Variants in CLK3 observed in about 807,000 individuals in gnomAD.
CLK3 encodes the protein dual specificity protein kinase CLK3.
CLK3 carries 24 observed loss-of-function variants against 65.2 expected under a neutral mutation model. The observed-to-expected ratio is 0.37, with a 90% CI of 0.27 to 0.52. CLK3 has a LOEUF of 0.52. Among genes scored for constraint, CLK3 ranks in the 20% least tolerant of loss-of-function variants. The pLI, the probability that CLK3 is intolerant of heterozygous loss-of-function variation, is 0.92. For synonymous variants in CLK3, 252 were observed against 240.8 expected (o/e 1.05, Z -0.43); for missense variants, 506 against 660.0 (o/e 0.77, Z 2.56).
chr15:74,619,171 A>C, intron 1 of CLK3, 26 bp from the exon 2 acceptor site: 1 of 1,612,212 alleles, frequency 6.2e-7, no homozygotes, highest in Non-Finnish European at 8.5e-7. Context: ...TGTGTTTAGC[A>C]GGGCTCTCTG....
intron 1 of CLK3, among the ~76,000 whole-genome samples, chr15:74,618,743 C>G (rs553217074): frequency 6.6e-6 from 1 of 152,358 alleles, no homozygotes; most frequent in Non-Finnish European, 1.5e-5. Flanking sequence ...TTTGAGCCCT[C>G]GCCTCCTGTG....
chr15:74,616,088 C>T, intron 1 of CLK3, 190 bp downstream of exon 1: 1 of 441,636 alleles, frequency 2.3e-6, no homozygotes, highest in Non-Finnish European at 3.7e-6. Context: ...ACTGCAGACC[C>T]TGACCTCGAC....
chr15:74,620,330 G>A (rs1458744094), intron 3 of CLK3, 105 bp downstream of exon 3: 2 of 1,456,680 alleles, frequency 1.4e-6, no homozygotes, highest in Non-Finnish European at 1.9e-6. Flanking sequence ...CCCTGTGCAC[G>A]TGCACTGGTG....
At chr15:74,609,013 C>T (rs1262510268) in intron 1 of CLK3, among the ~76,000 whole-genome samples, 1 of 152,218 alleles carries the variant, frequency 6.6e-6, no homozygotes, top group African/African-American at 2.4e-5. Flanking sequence ...GCTCTGCCTC[C>T]AGGGCCTGCA....
intron 12 of CLK3, 87 bp downstream of exon 12, chr15:74,629,119 G>A (rs770478975): frequency 1.1e-5 from 11 of 997,090 alleles, no homozygotes; most frequent in African/African-American, 4.7e-5. Flanking sequence ...AGGCCAGGCC[G>A]CTAAAGGCTG....
intron 1 of CLK3, chr15:74,608,460 C>T (rs908793363): frequency 3.3e-5 from 5 of 152,086 alleles, no homozygotes; most frequent in Non-Finnish European, 7.3e-5. Context: ...CCCCACCCCA[C>T]TCCCTTTCAG....
chr15:74,629,316 T>C (rs766679997), intron 12 of CLK3: 8 of 549,022 alleles, frequency 1.5e-5, no homozygotes, highest in Admixed American at 3.0e-5. Flanking sequence ...TCCCTCTCTC[T>C]CCTCGAAATT....
At chr15:74,611,902 C>T (rs1011353169), upstream of CLK3, among the ~76,000 whole-genome samples, 40 of 152,338 alleles carry the variant, frequency 2.6e-4, no homozygotes, top group Non-Finnish European at 3.5e-4. Context: ...TGGCTGAGCA[C>T]GCACTAAAAC....
chr15:74,629,379 G>A (rs1299872371), intron 12 of CLK3: 2 of 528,564 alleles, frequency 3.8e-6, no homozygotes, highest in Admixed American at 6.3e-5. Flanking sequence ...CCTAGACATG[G>A]CCAGGAAGCC....
chr15:74,615,394 T>C, upstream of CLK3: 2 of 1,230,906 alleles, frequency 1.6e-6, no homozygotes, highest in Non-Finnish European at 2.0e-6. Flanking sequence ...CGCGTCCGCC[T>C]TCCCGAGCTC....
In CLK3 at chr15:74,622,456, C is replaced by T. The variant is rs2141544514; in HGVS notation, c.467-38C>T. ...CTTGCAGGAGCTGCCAACCCCCTGCCCTCCAGATTCTCATGCCCAATTTCT... is the reference window on the plus strand; with the variant it reads ...CTTGCAGGAGCTGCCAACCCCCTGCTCTCCAGATTCTCATGCCCAATTTCT... On this transcript the variant is annotated intron_variant, in intron 4 of 12. Coordinates refer to ENST00000395066, the MANE Select transcript of CLK3 (RefSeq NM_001130028.2). The surrounding 1 kb of genome is among the most constrained non-coding windows in gnomAD (Gnocchi z 4.6). 6.6e-7 allele frequency: 1 copy of T among 1,520,110 alleles called. No homozygotes were observed. 94.2% of individuals were successfully genotyped at this position (1,520,110 alleles called of 1,614,324 possible).
intron 1 of CLK3, among the ~76,000 whole-genome samples, chr15:74,609,079 GC>G (rs1294254582): frequency 1.3e-5 from 2 of 152,206 alleles, no homozygotes; most frequent in Non-Finnish European, 2.9e-5. Flanking sequence ...CTCCAAGCAG[GC>G]CCCTAGTTGC....
Position 74,625,640 on chromosome 15 carries a change from GGA to G in CLK3, c.651-158_651-157del, listed in dbSNP as rs34186813. On this transcript the variant is annotated intron_variant, in intron 6 of 12. Coordinates refer to ENST00000395066, the MANE Select transcript of CLK3 (RefSeq NM_001130028.2). ...CTGGGTATTGGGTGATGGCTGGTGG[GGA>G]GAGGTGCTCTTGCTCTGATTTCTCT... is the stretch of plus-strand genomic sequence containing the variant. 8.7e-3 allele frequency among the ~76,000 whole-genome samples: 1,329 copies of G among 152,268 alleles called. 24 individuals carry two copies. Among genetic ancestry groups the G allele is most frequent in the African/African-American group, 0.03 (1,265 of 41,526 alleles).
chr15:74,627,248 A>C lies in CLK3; in HGVS notation c.818-104A>C, dbSNP rs2062150685. 3.4e-6 allele frequency: 3 copies of C among 875,030 alleles called. No individual in the cohort carries two copies. Among genetic ancestry groups the C allele is most frequent in the Admixed American group, 1.7e-5 (1 of 58,426 alleles). 54.2% of individuals were successfully genotyped at this position (875,030 alleles called of 1,614,324 possible). Reference sequence around the variant, plus strand: ...AGCTCCCTGCTGAGGTGGGGGTGTGAGGACCTCTGGCAGTTGCTGGCATTG... The same window carrying C: ...AGCTCCCTGCTGAGGTGGGGGTGTGCGGACCTCTGGCAGTTGCTGGCATTG... On this transcript the variant is annotated intron_variant, in intron 7 of 12. Transcript: ENST00000395066. The surrounding 1 kb of genome is among the most constrained non-coding windows in gnomAD (Gnocchi z 4.3).
At chr15:74,616,074 G>A in intron 1 of CLK3, 176 bp downstream of exon 1, 1 of 478,602 alleles carries the variant, frequency 2.1e-6, no homozygotes, top group Non-Finnish European at 3.3e-6. Context: ...CCCGGAGGGC[G>A]GTCACTGCAG....
rs2062126705 is a variant in CLK3 at position 74,624,302 on chromosome 15, G to A, written c.534-600G>A. 6.5e-6 allele frequency: 1 copy of A among 153,028 alleles called. No individual in the cohort carries two copies. Among genetic ancestry groups the A allele is most frequent in the Non-Finnish European group, 1.5e-5 (1 of 68,650 alleles). 9.5% of individuals were successfully genotyped at this position (153,028 alleles called of 1,614,324 possible). A position where few individuals can be genotyped will look rare whatever the true frequency, so the allele number is the denominator to read the frequency against. ...AAACCTTCTTTGGACACTTAAGAAG[G>A]GTTCCTGGCATTTTGTGGTCACTGA... On this transcript the variant is annotated intron_variant, in intron 5 of 12. Transcript: ENST00000395066. This position sits in a 1 kb window ranked among gnomAD's most constrained non-coding sequence, Gnocchi z 4.2.
chr15:74,620,234 T>C lies in CLK3; in HGVS notation c.369+9T>C. The C allele has an allele frequency of 6.2e-7, 1 of 1,613,772 alleles. No individual in the cohort carries two copies. The highest frequency in any genetic ancestry group is 8.5e-7 in the Non-Finnish European group (1 of 1,179,886). ...GTAGCAGCGCCTCCTCGGTGAGTGG[T>C]AGCCAGAGTGTGCTGGCTGGGGCTT... On this transcript the variant is annotated intron_variant, in intron 3 of 12. Transcript: ENST00000395066.
upstream of CLK3, among the ~76,000 whole-genome samples, chr15:74,610,958 C>T (rs575749563): frequency 6.0e-4 from 91 of 152,344 alleles, no homozygotes; most frequent in Non-Finnish European, 1.2e-3. Flanking sequence ...CCTCAGCTTG[C>T]ACAGCCATCT....
At chr15:74,614,408 G>A (rs1219617278), upstream of CLK3, among the ~76,000 whole-genome samples, 1 of 152,208 alleles carries the variant, frequency 6.6e-6, no homozygotes, top group Non-Finnish European at 1.5e-5. Context: ...CAACCTCCTG[G>A]GATCAAGCGA....
Sources: allele counts gnomAD v4.1 joint callset (sites outside exome capture counted in the v4.1 genomes callset), GRCh38; gene constraint gnomAD v4.1.1; non-coding constraint Gnocchi (gnomAD v3.1); transcripts MANE v1.5; gene names NCBI Gene and HGNC (gene_info 2026-07-23, HGNC 2026-07-21).